The following WSCD2 variants were observed in gnomAD, a reference collection of about 807,000 sequenced individuals.
WSCD2 encodes the protein WSC domain sialate O sulfotransferase 2.
WSCD2 carries 28 observed loss-of-function variants against 55.7 expected under a neutral mutation model. The observed-to-expected ratio is 0.50, with a 90% confidence interval of 0.37 to 0.69. WSCD2 has a LOEUF of 0.69. Ranked by LOEUF, WSCD2 falls within the 30% of genes least tolerant of loss-of-function variation. WSCD2 has a pLI of 0.00. For missense variants in WSCD2, 616 were observed against 762.1 expected, an observed-to-expected ratio of 0.81 and a Z score of 2.26; for synonymous variants, 301 against 301.9, an observed-to-expected ratio of 1.00 and a Z score of 0.03.
intron 5 of WSCD2, among the ~76,000 whole-genome samples, chr12:108,226,611 T>C (rs1303338674): frequency 6.6e-6 from 1 of 152,214 alleles, no homozygotes; most frequent in Non-Finnish European, 1.5e-5. Context: ...ACAGTCTTGG[T>C]TGGCCAGAGT....
intron 4 of WSCD2, among the ~76,000 whole-genome samples, chr12:108,215,633 TA>T (rs1436911400): frequency 2.0e-5 from 3 of 152,214 alleles, no homozygotes; most frequent in Non-Finnish European, 4.4e-5. Context: ...TATAGGTAGC[TA>T]GGTAGCCATT....
At chr12:108,166,726 C>CTT (rs752955019) in intron 1 of WSCD2, among the ~76,000 whole-genome samples, 1 of 98,692 alleles carries the variant, frequency 1.0e-5, no homozygotes, top group Non-Finnish European at 2.2e-5. Context: ...CTCCTTCTTT[C>CTT]TCTTTCTTTC....
Position 108,209,922 on chromosome 12 carries a change from G to A in WSCD2, c.498-199G>A, listed in dbSNP as rs143077145. 3.3e-3 allele frequency among the ~76,000 whole-genome samples: 501 copies of A among 152,076 alleles called. 2 individuals carry two copies. Among genetic ancestry groups the A allele is most frequent in the African/African-American group, 0.011 (473 of 41,480 alleles). On this transcript the variant is annotated intron_variant, in intron 3 of 8. Transcript: ENST00000547525. ...CCCATCTCCCAGGTCTCCACAATGGGTGGGTCTCCTGTCCCCTGAGGTCTC... is the reference window on the plus strand; with the variant it reads ...CCCATCTCCCAGGTCTCCACAATGGATGGGTCTCCTGTCCCCTGAGGTCTC...
At position 108,210,196 on chromosome 12, in the gene WSCD2, C is replaced by T. The variant is rs1258363913; in HGVS notation, c.573C>T (p.Ser191=). The T allele has an allele frequency of 8.7e-6, 14 of 1,613,924 alleles. No individual in the cohort carries two copies. Among genetic ancestry groups the T allele is most frequent in the South Asian group, 3.3e-5 (3 of 91,080 alleles). The change falls in exon 4 of 9, where the codon AGC becomes AGT. Residue 191 remains serine (S), a synonymous_variant. Coordinates refer to ENST00000547525, the MANE Select transcript of WSCD2 (RefSeq NM_014653.4). The surrounding 1 kb of genome is among the most constrained non-coding windows in gnomAD (Gnocchi z 4.3). The part of the protein sequence containing the change: ...CGHKIQATNV[S]EAECDMECKG... ...ACAAGATCCAGGCGACGAACGTGAGCGAGGCAGAGTGCGACATGGAGTGCA... is the reference window on the plus strand; with the variant it reads ...ACAAGATCCAGGCGACGAACGTGAGTGAGGCAGAGTGCGACATGGAGTGCA...
Position 108,210,137 on chromosome 12 carries a change from G to A in WSCD2, c.514G>A (p.Gly172Arg), listed in dbSNP as rs1565967983. 3.1e-6 allele frequency: 5 copies of A among 1,613,990 alleles called. No homozygotes were observed. Among genetic ancestry groups the A allele is most frequent in the South Asian group, 2.2e-5 (2 of 91,078 alleles). The change falls in exon 4 of 9, where the codon GGG becomes AGG. Residue 172 changes from glycine to arginine, a missense_variant. Transcript: ENST00000547525. This position sits in a 1 kb window ranked among gnomAD's most constrained non-coding sequence, Gnocchi z 4.3. ...NCAERGYLYG[G>R]LEFGAECYCG... ...CTCCCCCAGGGGTTACCTGTATGGCGGGCTGGAGTTCGGCGCCGAGTGCTA... is the reference window on the plus strand; with the variant it reads ...CTCCCCCAGGGGTTACCTGTATGGCAGGCTGGAGTTCGGCGCCGAGTGCTA...
At chr12:108,166,761 T>TTTCTC (rs10680980) in intron 1 of WSCD2, among the ~76,000 whole-genome samples, 3 of 124,820 alleles carry the variant, frequency 2.4e-5, no homozygotes, top group African/African-American at 9.2e-5. Flanking sequence ...TCTTTCTTTC[T>TTTCTC]TTTCTTTCTT....
At chr12:108,174,791 G>C (rs77901542) in intron 1 of WSCD2, among the ~76,000 whole-genome samples, 6 of 152,126 alleles carry the variant, frequency 3.9e-5, no homozygotes, top group East Asian at 1.9e-4. Context: ...ACTTTAAAAC[G>C]TGAGTTTTTT....
chr12:108,204,988 C>T (rs766231333), intron 2 of WSCD2, among the ~76,000 whole-genome samples: 2 of 152,172 alleles, frequency 1.3e-5, no homozygotes, highest in Non-Finnish European at 2.9e-5. Context: ...CTGGCTGGAT[C>T]CCCGGTCTAA....
chr12:108,144,625 C>A (rs1877199288), intron 1 of WSCD2, among the ~76,000 whole-genome samples: 1 of 152,142 alleles, frequency 6.6e-6, no homozygotes, highest in Non-Finnish European at 1.5e-5. Flanking sequence ...AGCATGGAGA[C>A]CCTTGGAGCT....
At chr12:108,136,047 A>C (rs763003097) in intron 1 of WSCD2, among the ~76,000 whole-genome samples, 7 of 152,186 alleles carry the variant, frequency 4.6e-5, no homozygotes, top group Non-Finnish European at 1.0e-4. Flanking sequence ...CAAGGCAAAA[A>C]TCTGATGGAT....
chr12:108,167,748 C>G (rs965034920), intron 1 of WSCD2, among the ~76,000 whole-genome samples: 1 of 152,240 alleles, frequency 6.6e-6, no homozygotes, highest in South Asian at 2.1e-4. Flanking sequence ...CTTTCTCTCC[C>G]AGCCAAAGGC....
In WSCD2 at chr12:108,195,923, A is replaced by T. The variant is rs770226510; in HGVS notation, c.91A>T (p.Ser31Cys). 23 of 1,613,854 alleles carry T rather than the reference A, an allele frequency of 1.4e-5. No homozygotes were observed. In the South Asian group the frequency reaches 2.5e-4, roughly 18 times the overall value. Residue 31 changes from serine (S) to cysteine (C), a missense_variant, in exon 2 of 9, where the codon AGC becomes TGC. Physicochemically the swap from Ser to Cys is moderately radical, Grantham distance 112. This residue lies in a region of WSCD2 where 374 missense variants were observed against 467.4 expected (regional missense o/e 0.80). Coordinates refer to ENST00000547525, the MANE Select transcript of WSCD2 (RefSeq NM_014653.4). ...TFLALYLTAG[S>C]LVFLHSGFVG... ...CCTGGCACTCTACCTGACTGCTGGG[A>T]GCCTTGTCTTCCTTCACTCTGGCTT...
At chr12:108,191,418 G>A (rs1883143537) in intron 1 of WSCD2, among the ~76,000 whole-genome samples, 1 of 152,200 alleles carries the variant, frequency 6.6e-6, no homozygotes, top group South Asian at 2.1e-4. Flanking sequence ...ACAGATGGAT[G>A]TGGGAGGCAG....
intron 1 of WSCD2, among the ~76,000 whole-genome samples, chr12:108,158,887 C>G (rs1229417542): frequency 6.6e-6 from 1 of 152,176 alleles, no homozygotes; most frequent in Non-Finnish European, 1.5e-5. Context: ...CCTCATGGAA[C>G]CAACATTACC....
intron 8 of WSCD2, 38 bp from the exon 9 acceptor site, chr12:108,247,953 T>C (rs765545245): frequency 1.3e-6 from 2 of 1,587,442 alleles, no homozygotes; most frequent in Admixed American, 1.7e-5. Flanking sequence ...TTCAAACTCC[T>C]CCTCCCTCTG....
intron 1 of WSCD2, among the ~76,000 whole-genome samples, chr12:108,183,622 A>G (rs959645749): frequency 2.0e-5 from 3 of 151,890 alleles, no homozygotes; most frequent in Non-Finnish European, 4.4e-5. Flanking sequence ...AGGCTTGGGA[A>G]CCCCTGTGCC....
chr12:108,159,681 G>GATTCTT (rs2136935933), intron 1 of WSCD2, among the ~76,000 whole-genome samples: 1 of 152,342 alleles, frequency 6.6e-6, no homozygotes, highest in South Asian at 2.1e-4. Flanking sequence ...GAGCGTGAGG[G>GATTCTT]ATTCTTATTC....
chr12:108,205,295 T>C (rs559374066), intron 2 of WSCD2, among the ~76,000 whole-genome samples: 1 of 152,164 alleles, frequency 6.6e-6, no homozygotes, highest in Non-Finnish European at 1.5e-5. Flanking sequence ...TCCGGGCCCT[T>C]TTCTCTTCTG....
intron 4 of WSCD2, among the ~76,000 whole-genome samples, chr12:108,217,489 T>A (rs1886979597): frequency 6.6e-6 from 1 of 152,104 alleles, no homozygotes; most frequent in Non-Finnish European, 1.5e-5. Context: ...TGTGTCCAGA[T>A]CACCAAGACA....
Sources: allele counts gnomAD v4.1 joint callset (sites outside exome capture counted in the v4.1 genomes callset), GRCh38; gene constraint gnomAD v4.1.1; regional missense constraint gnomAD v4.1.1; non-coding constraint Gnocchi (gnomAD v3.1); transcripts MANE v1.5; gene names NCBI Gene and HGNC (gene_info 2026-07-23, HGNC 2026-07-21).